Variants in BBOX1 observed in about 807,000 individuals in gnomAD.
BBOX1 encodes the protein gamma-butyrobetaine dioxygenase.
BBOX1 carries 35 observed loss-of-function variants against 41.6 expected under a neutral mutation model. The ratio of observed to expected loss-of-function variants is 0.84; its 90% CI spans 0.64 to 1.11. The LOEUF is 1.11. Among genes scored for constraint, BBOX1 ranks in the 50% most tolerant of loss-of-function variants. The pLI is 0.00. For synonymous variants in BBOX1, 163 were observed against 154.7 expected, an observed-to-expected ratio of 1.05 and a Z score of -0.40; for missense variants, 458 against 460.6, an observed-to-expected ratio of 0.99 and a Z score of 0.05.
chr11:27,067,172 A>C lies in BBOX1; in HGVS notation c.334+9857A>C, dbSNP rs181688759. Among the ~76,000 whole-genome samples the C allele has an allele frequency of 4.5e-3, 682 of 152,316 alleles. 8 individuals are homozygous for C. The highest frequency in any genetic ancestry group is 0.015 in the African/African-American group (609 of 41,564). On this transcript the variant is annotated intron_variant, in intron 4 of 8. Coordinates refer to ENST00000263182, the MANE Select transcript of BBOX1 (RefSeq NM_003986.3). Reference sequence around the variant, plus strand: ...TGAAAGTGGTTGTAAGTAATTATAGACAGCAACTCTGAGAGTTTTCTTTTT... The same window carrying C: ...TGAAAGTGGTTGTAAGTAATTATAGCCAGCAACTCTGAGAGTTTTCTTTTT...
intron 5 of BBOX1, among the ~76,000 whole-genome samples, chr11:27,106,901 G>A (rs1472747895): frequency 4.6e-5 from 7 of 152,068 alleles, no homozygotes. Flanking sequence ...TCAGACCACA[G>A]TACAATCAAA....
chr11:27,112,976 T>A (rs1404621543), intron 5 of BBOX1, among the ~76,000 whole-genome samples: 1 of 151,902 alleles, frequency 6.6e-6, no homozygotes, highest in African/African-American at 2.4e-5. Flanking sequence ...AACAACCCCA[T>A]TAATAAGTGG....
chr11:27,095,709 A>G (rs537751130), intron 5 of BBOX1, among the ~76,000 whole-genome samples: 3 of 152,090 alleles, frequency 2.0e-5, no homozygotes, highest in South Asian at 2.1e-4. Flanking sequence ...CTCTACCTCA[A>G]GAACTGACAG....
chr11:27,048,749 C>CTTT lies in BBOX1; in HGVS notation c.-38-6629_-38-6627dup, dbSNP rs35376713. ...TAATGATACTGCTGGAATGGTAGTT[C>CTTT]TTTTTTTTTTTTTTTTTATACTTTA... On this transcript the variant is annotated intron_variant, in intron 2 of 8. Coordinates refer to ENST00000263182, the MANE Select transcript of BBOX1 (RefSeq NM_003986.3). Among the ~76,000 whole-genome samples, 277 of 132,872 alleles carry CTTT rather than the reference C, an allele frequency of 2.1e-3. 3 individuals are homozygous for CTTT. Among genetic ancestry groups the CTTT allele is most frequent in the African/African-American group, 4.4e-3 (158 of 35,634 alleles). 87.2% of individuals were successfully genotyped at this position (132,872 alleles called of 152,430 possible).
intron 4 of BBOX1, among the ~76,000 whole-genome samples, chr11:27,077,720 T>G (rs1302680675): frequency 6.6e-6 from 1 of 152,170 alleles, no homozygotes; most frequent in Non-Finnish European, 1.5e-5. Flanking sequence ...GCTTTCTCAT[T>G]GTCTCCCATT....
At chr11:27,104,613 A>G (rs1405274292) in intron 5 of BBOX1, among the ~76,000 whole-genome samples, 1 of 152,150 alleles carries the variant, frequency 6.6e-6, no homozygotes, top group Admixed American at 6.5e-5. Context: ...GATATCGGAA[A>G]GGTTATCTTC....
chr11:27,068,109 GATTGAATA>G (rs1264567798), intron 4 of BBOX1, among the ~76,000 whole-genome samples: 1 of 152,022 alleles, frequency 6.6e-6, no homozygotes, highest in Non-Finnish European at 1.5e-5. Flanking sequence ...GGGATTCCTG[GATTGAATA>G]GTAGTTCTAC....
intron 2 of BBOX1, among the ~76,000 whole-genome samples, chr11:27,051,694 TTC>T (rs1015628543): frequency 1.3e-5 from 2 of 152,000 alleles, no homozygotes; most frequent in African/African-American, 4.8e-5. Context: ...ATTTTGAGTC[TTC>T]TCTCTTTGTT....
chr11:27,066,902 A>T (rs1857304683), intron 4 of BBOX1, among the ~76,000 whole-genome samples: 1 of 152,122 alleles, frequency 6.6e-6, no homozygotes, highest in East Asian at 1.9e-4. Flanking sequence ...TATTTTTCTC[A>T]ATCAGTAACT....
At chr11:27,091,999 CT>C (rs1451481529) in intron 4 of BBOX1, among the ~76,000 whole-genome samples, 1 of 151,890 alleles carries the variant, frequency 6.6e-6, no homozygotes, top group Admixed American at 6.6e-5. Flanking sequence ...TGCCAATGTC[CT>C]TATGCAACTA....
intron 2 of BBOX1, among the ~76,000 whole-genome samples, chr11:27,046,439 G>GAC (rs34097371): frequency 0.33 from 49,426 of 149,422 alleles, 8,086 homozygotes; most frequent in East Asian, 0.44. Flanking sequence ...ACACACCACA[G>GAC]ACACACACAC....
At chr11:27,060,379 G>A (rs542250192) in intron 4 of BBOX1, among the ~76,000 whole-genome samples, 1 of 152,202 alleles carries the variant, frequency 6.6e-6, no homozygotes, top group Non-Finnish European at 1.5e-5. Context: ...GCAGATGTCA[G>A]CACCATGCTT....
At chr11:27,116,837 C>T (rs2134098264) in intron 6 of BBOX1, among the ~76,000 whole-genome samples, 1 of 152,066 alleles carries the variant, frequency 6.6e-6, no homozygotes, top group South Asian at 2.1e-4. Flanking sequence ...AAATAGACCG[C>T]TTATGGAGGA....
intron 2 of BBOX1, among the ~76,000 whole-genome samples, chr11:27,048,764 T>TTC (rs1177555069): frequency 2.0e-5 from 3 of 150,926 alleles, no homozygotes; most frequent in Non-Finnish European, 4.4e-5. Context: ...TTTTTTTTTT[T>TTC]TTATACTTTA....
intron 4 of BBOX1, among the ~76,000 whole-genome samples, chr11:27,065,036 G>A (rs1219134202): frequency 2.0e-5 from 3 of 152,196 alleles, no homozygotes; most frequent in Non-Finnish European, 4.4e-5. Flanking sequence ...TAACCTGATG[G>A]TCTTTCATTA....
chr11:27,057,433 A>AT (rs1857018752), intron 4 of BBOX1, 118 bp downstream of exon 4: 1 of 757,940 alleles, frequency 1.3e-6, no homozygotes, highest in African/African-American at 1.8e-5. Flanking sequence ...TGTGACATGT[A>AT]AATTATGTGG....
Position 27,068,518 on chromosome 11 carries a change from G to A in BBOX1, c.334+11203G>A, listed in dbSNP as rs559758365. Among the ~76,000 whole-genome samples, 59 of 152,062 alleles carry A rather than the reference G, an allele frequency of 3.9e-4. 1 individual carries two copies. The South Asian group carries it at 8.1e-3, about 21-fold the overall frequency. ...GCAAATATTTTCTCCCTTTCTGTGG[G>A]TTGTTTACTCTGGTAATTTTTTTTT... On this transcript the variant is annotated intron_variant, in intron 4 of 8. Coordinates refer to ENST00000263182, the MANE Select transcript of BBOX1 (RefSeq NM_003986.3).
At chr11:27,080,735 C>G (rs995054793) in intron 4 of BBOX1, among the ~76,000 whole-genome samples, 9 of 152,110 alleles carry the variant, frequency 5.9e-5, no homozygotes, top group African/African-American at 2.2e-4. Flanking sequence ...TCAAAGTCAC[C>G]AGAAGAGCAT....
chr11:27,050,788 C>T (rs1851648703), intron 2 of BBOX1, among the ~76,000 whole-genome samples: 1 of 152,046 alleles, frequency 6.6e-6, no homozygotes, highest in Non-Finnish European at 1.5e-5. Flanking sequence ...AAAACAAGGA[C>T]AATTTTAGTT....
Sources: gnomAD v4.1 joint callset for allele counts (sites outside exome capture counted in the v4.1 genomes callset) on GRCh38, gnomAD v4.1.1 for gene constraint, MANE v1.5 for transcripts, NCBI Gene and HGNC (gene_info 2026-07-23, HGNC 2026-07-21) for gene names.